Variants in STAT3 observed in about 807,000 individuals in gnomAD.
STAT3 encodes signal transducer and activator of transcription 3, also known as DNA-binding protein APRF.
A neutral mutation model predicts 114.3 loss-of-function variants in STAT3; 7 were observed. The ratio of observed to expected loss-of-function variants is 0.06; its 90% CI spans 0.03 to 0.11. STAT3 has a LOEUF of 0.11. STAT3 is among the 10% of genes least tolerant of loss of function. STAT3 has a pLI of 1.00. For missense variants in STAT3, 364 were observed against 960.9 expected, an observed-to-expected ratio of 0.38 and a Z score of 8.21; for synonymous variants, 331 against 354.5, an observed-to-expected ratio of 0.93 and a Z score of 0.74.
rs777297316 is a variant in STAT3, at chr17:42,333,808, A to G, written c.957-43T>C. 8 of 1,614,078 alleles carry G rather than the reference A, an allele frequency of 5.0e-6. No individual in the cohort carries two copies. Among genetic ancestry groups the G allele is most frequent in the East Asian group, 2.2e-5 (1 of 44,896 alleles). On this transcript the variant is annotated intron_variant, in intron 9 of 23. Coordinates refer to ENST00000264657, the MANE Select transcript of STAT3 (RefSeq NM_139276.3). The surrounding 1 kb of genome is among the most constrained non-coding windows in gnomAD (Gnocchi z 5.2). Reference sequence around the variant, plus strand: ...GGGCTCACGCGCCACGGCCATGACCAGAAGTCAGCCCGCCTCTCACTCTAC... The same window carrying G: ...GGGCTCACGCGCCACGGCCATGACCGGAAGTCAGCCCGCCTCTCACTCTAC...
At chr17:42,355,173 T>A (rs1465649248) in intron 1 of STAT3, among the ~76,000 whole-genome samples, 1 of 152,224 alleles carries the variant, frequency 6.6e-6, no homozygotes, top group African/African-American at 2.4e-5. Flanking sequence ...TACAAGTTAA[T>A]CTAAAGAACT....
Position 42,315,665 on chromosome 17 carries a change from G to T in STAT3, c.*80C>A. ...CAAAGTTAGTAGTTTCAGATGATCT[G>T]GGGTTTGGCTGTGTGAGGGGTGGCA... On this transcript the variant is annotated 3_prime_UTR_variant, in exon 24 of 24. Coordinates refer to ENST00000264657, the MANE Select transcript of STAT3 (RefSeq NM_139276.3). 1 of 1,398,634 alleles carries T rather than the reference G, an allele frequency of 7.1e-7. No homozygotes were observed. The highest frequency in any genetic ancestry group is 1.0e-6 in the Non-Finnish European group (1 of 983,940). The allele number at this position is 1,398,634 out of a possible 1,614,324, so 86.6% of individuals were successfully genotyped here.
chr17:42,345,575 G>A lies in STAT3; in HGVS notation c.356C>T (p.Ala119Val), dbSNP rs2144978181. The change falls in exon 4 of 24, where the codon GCA (alanine) becomes GTA (valine). Residue 119 changes from alanine (A) to valine (V), a missense_variant. Transcript: ENST00000264657. The stretch of plus-strand genomic sequence containing the variant: ...AGGTCTCACCTGGGCCGCAGTGGCT[G>A]CAGTCTGTAGAAGGCGTGATTCTTC... Reference protein sequence around the residue: ...LWEESRLLQTAATAAQQGGQA... With the variant: ...LWEESRLLQTVATAAQQGGQA... 6.2e-7 allele frequency: 1 copy of A among 1,606,008 alleles called. No homozygotes were observed. The highest frequency in any genetic ancestry group is 2.2e-5 in the East Asian group (1 of 44,596).
chr17:42,344,603 C>T (rs1017840751), intron 4 of STAT3, among the ~76,000 whole-genome samples: 1 of 151,454 alleles, frequency 6.6e-6, no homozygotes, highest in African/African-American at 2.4e-5. Flanking sequence ...CCTGTAGTCC[C>T]AGCTAGTCGG....
At chr17:42,353,466 T>C (rs1034501194) in intron 1 of STAT3, among the ~76,000 whole-genome samples, 1 of 152,122 alleles carries the variant, frequency 6.6e-6, no homozygotes, top group Non-Finnish European at 1.5e-5. Flanking sequence ...TGAACACTGC[T>C]ACTCTAGACA....
At chr17:42,380,058 G>A (rs182698471) in intron 1 of STAT3, among the ~76,000 whole-genome samples, 9 of 151,892 alleles carry the variant, frequency 5.9e-5, no homozygotes, top group South Asian at 2.1e-4. Flanking sequence ...TTTTTGTGAC[G>A]GAGTCTTGCT....
At chr17:42,357,036 C>A (rs1375048875) in intron 1 of STAT3, among the ~76,000 whole-genome samples, 1 of 150,990 alleles carries the variant, frequency 6.6e-6, no homozygotes, top group Admixed American at 6.6e-5. Context: ...GATCTGCCTG[C>A]CTCAGCCTCC....
chr17:42,373,342 C>T (rs1313608180), intron 1 of STAT3, among the ~76,000 whole-genome samples: 2 of 151,196 alleles, frequency 1.3e-5, no homozygotes, highest in Non-Finnish European at 2.9e-5. Flanking sequence ...AAGAGTGAAA[C>T]TCCATCTCAA....
chr17:42,345,306 C>A, intron 4 of STAT3: 12 of 444,238 alleles, frequency 2.7e-5, no homozygotes, highest in South Asian at 5.8e-5. Context: ...TTTGTCAGAA[C>A]AAAACAAAAC....
intron 1 of STAT3, among the ~76,000 whole-genome samples, chr17:42,361,481 CAA>C (rs112008324): frequency 2.2e-4 from 27 of 123,802 alleles, no homozygotes; most frequent in South Asian, 1.3e-3. Context: ...AAAACTCTGT[CAA>C]AAAAAAAAAA....
chr17:42,326,164 G>A lies in STAT3; in HGVS notation c.1317C>T (p.Ile439=). The A allele has an allele frequency of 1.9e-6, 3 of 1,613,946 alleles. No homozygotes were observed. The highest frequency in any genetic ancestry group is 2.5e-6 in the Non-Finnish European group (3 of 1,179,896). Residue 439 remains isoleucine, a synonymous_variant, in exon 15 of 24, where the codon ATC becomes ATT. Transcript: ENST00000264657. ...SLIVTEELHL[I]TFETEVYHQG... ...GGTGATACACCTCGGTCTCAAAGGTGATCAGGTGCAGCTCCTCAGTCACAA... is the reference window on the plus strand; with the variant it reads ...GGTGATACACCTCGGTCTCAAAGGTAATCAGGTGCAGCTCCTCAGTCACAA...
chr17:42,365,571 T>C (rs1262882583), intron 1 of STAT3, among the ~76,000 whole-genome samples: 1 of 151,918 alleles, frequency 6.6e-6, no homozygotes, highest in Admixed American at 6.6e-5. Flanking sequence ...GTAGACTTAA[T>C]AATGAAAGAG....
At chr17:42,346,753 G>A (rs138364407) in intron 2 of STAT3, 40 bp from the exon 3 acceptor site, 77 of 1,613,570 alleles carry the variant, frequency 4.8e-5, no homozygotes, top group African/African-American at 2.8e-4. Context: ...CTCTGAAGCC[G>A]ACGCATACAC....
Position 42,338,816 on chromosome 17 carries a change from T to A in STAT3, c.469-4A>T. The A allele has an allele frequency of 6.2e-7, 1 of 1,610,840 alleles. No individual in the cohort carries two copies. Among genetic ancestry groups the A allele is most frequent in the Non-Finnish European group, 8.5e-7 (1 of 1,178,172 alleles). On this transcript the variant is annotated splice_polypyrimidine_tract_variant and splice_region_variant and intron_variant, in intron 5 of 23. Coordinates refer to ENST00000264657, the MANE Select transcript of STAT3 (RefSeq NM_139276.3). ...CTTTCATTTTCTGTTCTAGATCCTG[T>A]TTAAAATAAGCAAACAAAAAAACAG...
chr17:42,335,015 C>T (rs2082174621), intron 8 of STAT3, among the ~76,000 whole-genome samples: 1 of 152,216 alleles, frequency 6.6e-6, no homozygotes, highest in African/African-American at 2.4e-5. Context: ...TGAGCCAGCT[C>T]TGTCACACAC....
chr17:42,336,533 G>C (rs2082235900), intron 8 of STAT3, among the ~76,000 whole-genome samples: 1 of 151,990 alleles, frequency 6.6e-6, no homozygotes, highest in Admixed American at 6.6e-5. Flanking sequence ...AGGAGGTCAA[G>C]GCTCCAGTGA....
intron 8 of STAT3, among the ~76,000 whole-genome samples, chr17:42,336,981 T>C (rs556522884): frequency 6.6e-6 from 1 of 152,188 alleles, no homozygotes; most frequent in South Asian, 2.1e-4. Context: ...TTTATTTTAT[T>C]TTTATTTTTT....
At chr17:42,328,031 C>T (rs1261322146) in intron 14 of STAT3, among the ~76,000 whole-genome samples, 5 of 107,866 alleles carry the variant, frequency 4.6e-5, no homozygotes, top group African/African-American at 5.5e-5. Flanking sequence ...AACGAGACTC[C>T]GACTCAAAAA....
chr17:42,346,853 T>G (rs1419388870), intron 2 of STAT3, 140 bp from the exon 3 acceptor site: 6 of 1,186,398 alleles, frequency 5.1e-6, no homozygotes, highest in Admixed American at 4.1e-5. Context: ...TGTTAGATTC[T>G]TCTTGCTCAG....
Sources: gnomAD v4.1 joint callset for allele counts (sites outside exome capture counted in the v4.1 genomes callset) on GRCh38, gnomAD v4.1.1 for gene constraint, Gnocchi (gnomAD v3.1) non-coding constraint, MANE v1.5 for transcripts, NCBI Gene and HGNC (gene_info 2026-07-23, HGNC 2026-07-21) for gene names.